Variants in PGCKA1 observed in about 807,000 individuals in gnomAD.
PGCKA1 encodes PDCD10 and GCKIII kinases-associated protein 1.
At chr4:37,488,066 G>T in the PGCKA1 span, among the ~76,000 whole-genome samples, 1 of 152,098 alleles carries the variant, frequency 6.6e-6, no homozygotes, top group Non-Finnish European at 1.5e-5. Context: ...GTGGAAAATT[G>T]CTAGGTCATA....
At chr4:37,550,942 G>C in the PGCKA1 span, among the ~76,000 whole-genome samples, 4 of 151,818 alleles carry the variant, frequency 2.6e-5, no homozygotes, top group African/African-American at 9.7e-5. Context: ...TGCATAGCTA[G>C]AAAAAGAAAA....
chr4:37,494,429 C>T, the PGCKA1 span, among the ~76,000 whole-genome samples: 3 of 152,172 alleles, frequency 2.0e-5, no homozygotes, highest in African/African-American at 7.2e-5. Flanking sequence ...TGCCCTCCAG[C>T]TCCATGATCC....
the PGCKA1 span, among the ~76,000 whole-genome samples, chr4:37,503,814 C>G: frequency 4.1e-4 from 62 of 152,042 alleles, no homozygotes; most frequent in East Asian, 0.012. Flanking sequence ...TATTTTTTTC[C>G]TATGGAGTTG....
the PGCKA1 span, among the ~76,000 whole-genome samples, chr4:37,575,267 G>A: frequency 1.3e-5 from 2 of 151,846 alleles, no homozygotes; most frequent in South Asian, 2.1e-4. Context: ...TTGTTGTTGC[G>A]CATCTTTTGG....
At chr4:37,591,721 T>C in the PGCKA1 span, 1 of 152,230 alleles carries the variant, frequency 6.6e-6, no homozygotes, top group African/African-American at 2.4e-5. Context: ...TTAAAACTGC[T>C]TATGTCATAT....
chr4:37,568,168 G>A, the PGCKA1 span, among the ~76,000 whole-genome samples: 1 of 152,200 alleles, frequency 6.6e-6, no homozygotes, highest in Non-Finnish European at 1.5e-5. Flanking sequence ...CTTGGTAAAG[G>A]CTAGAGAGGC....
At chr4:37,572,309 G>C in the PGCKA1 span, among the ~76,000 whole-genome samples, 1 of 149,720 alleles carries the variant, frequency 6.7e-6, no homozygotes, top group Non-Finnish European at 1.5e-5. Flanking sequence ...CTCGTGATCC[G>C]CCCGCCTCGG....
chr4:37,461,111 G>A, the PGCKA1 span: 2 of 194,462 alleles, frequency 1.0e-5, no homozygotes, highest in Non-Finnish European at 2.1e-5. Flanking sequence ...CCCATTGCTT[G>A]TTTTTGTCAG....
chr4:37,542,622 G>T, the PGCKA1 span, among the ~76,000 whole-genome samples: 1 of 152,138 alleles, frequency 6.6e-6, no homozygotes, highest in East Asian at 1.9e-4. Flanking sequence ...AGCCACATGT[G>T]GCTTTTGAGC....
At chr4:37,460,059 T>G in the PGCKA1 span, among the ~76,000 whole-genome samples, 1 of 152,166 alleles carries the variant, frequency 6.6e-6, no homozygotes, top group African/African-American at 2.4e-5. Context: ...ATTGTTCAAC[T>G]CCCACTTATG....
the PGCKA1 span, among the ~76,000 whole-genome samples, chr4:37,515,211 G>C: frequency 6.6e-6 from 1 of 152,122 alleles, no homozygotes; most frequent in Non-Finnish European, 1.5e-5. Flanking sequence ...GATATAAGAA[G>C]ACAGTGGTCT....
the PGCKA1 span, among the ~76,000 whole-genome samples, chr4:37,462,749 A>G: frequency 2.6e-5 from 4 of 152,084 alleles, no homozygotes; most frequent in African/African-American, 9.7e-5. Flanking sequence ...TAAGCAACTA[A>G]GCTGAGGCTT....
the PGCKA1 span, among the ~76,000 whole-genome samples, chr4:37,569,488 C>T: frequency 1.3e-5 from 2 of 152,112 alleles, no homozygotes; most frequent in Non-Finnish European, 2.9e-5. Flanking sequence ...TGTGAGCCAC[C>T]ACGCCCGGCC....
At chr4:37,589,935 C>G in the PGCKA1 span, among the ~76,000 whole-genome samples, 10 of 152,154 alleles carry the variant, frequency 6.6e-5, no homozygotes, top group Non-Finnish European at 1.0e-4. Flanking sequence ...CATTTTTATA[C>G]CAACTATATC....
the PGCKA1 span, among the ~76,000 whole-genome samples, chr4:37,512,534 G>T: frequency 6.8e-6 from 1 of 147,876 alleles, no homozygotes; most frequent in Non-Finnish European, 1.5e-5. Context: ...TTGGTGCACT[G>T]CAACCTCCGC....
the PGCKA1 span, among the ~76,000 whole-genome samples, chr4:37,565,615 A>T: frequency 6.6e-6 from 1 of 152,204 alleles, no homozygotes; most frequent in African/African-American, 2.4e-5. Flanking sequence ...AGGCCTCTGT[A>T]GAATTTCAGG....
chr4:37,568,008 A>C, the PGCKA1 span, among the ~76,000 whole-genome samples: 1 of 151,546 alleles, frequency 6.6e-6, no homozygotes, highest in Non-Finnish European at 1.5e-5. Context: ...AACAAAAAAA[A>C]CCACATTGAA....
chr4:37,509,474 G>C, the PGCKA1 span, among the ~76,000 whole-genome samples: 66,933 of 136,446 alleles, frequency 0.49, 17,048 homozygotes, highest in African/African-American at 0.58. Flanking sequence ...TCACTTCCTA[G>C]ACGGGATGGC....
the PGCKA1 span, among the ~76,000 whole-genome samples, chr4:37,476,756 G>C: frequency 6.6e-6 from 1 of 152,124 alleles, no homozygotes; most frequent in African/African-American, 2.4e-5. Context: ...TATGAGTTCT[G>C]TATTAAAAAT....
Sources: allele counts gnomAD v4.1 joint callset (sites outside exome capture counted in the v4.1 genomes callset), GRCh38; gene constraint gnomAD v4.1.1; transcripts MANE v1.5; gene names NCBI Gene and HGNC (gene_info 2026-07-23, HGNC 2026-07-21).